CNTNAP2: variants seen among roughly 807,000 people sequenced by gnomAD.
CNTNAP2 encodes the protein contactin associated protein 2.
In CNTNAP2, 98 loss-of-function variants were observed where a neutral mutation model predicts 155.2. The observed-to-expected ratio is 0.63, with a 90% CI of 0.54 to 0.75. The LOEUF (loss-of-function observed/expected upper bound fraction) is 0.75. Ranked by LOEUF, CNTNAP2 falls within the 30% of genes least tolerant of loss-of-function variation. CNTNAP2 has a pLI of 0.00. For synonymous variants in CNTNAP2, 651 were observed against 631.2 expected (o/e 1.03, Z -0.47); for missense variants, 1,727 against 1,688.1 (o/e 1.02, Z -0.40).
intron 21 of CNTNAP2, among the ~76,000 whole-genome samples, chr7:148,380,743 G>T (rs1292116518): frequency 1.3e-5 from 2 of 152,106 alleles, no homozygotes; most frequent in Non-Finnish European, 2.9e-5. Flanking sequence ...TTAGCTCAGA[G>T]GGTTACCAGG....
intron 10 of CNTNAP2, among the ~76,000 whole-genome samples, chr7:147,401,209 A>G (rs959476573): frequency 2.0e-4 from 31 of 152,188 alleles, no homozygotes; most frequent in African/African-American, 7.5e-4. Context: ...ATTAAAAAAT[A>G]CATTTAGAAA....
chr7:148,087,998 T>A (rs1291864882), intron 15 of CNTNAP2, among the ~76,000 whole-genome samples: 1 of 152,150 alleles, frequency 6.6e-6, no homozygotes, highest in African/African-American at 2.4e-5. Flanking sequence ...TATTTGACCC[T>A]CTTCTTTCTG....
chr7:146,253,790 C>T (rs142123262), intron 1 of CNTNAP2, among the ~76,000 whole-genome samples: 1 of 152,072 alleles, frequency 6.6e-6, no homozygotes, highest in African/African-American at 2.4e-5. Context: ...AGCATGGTGA[C>T]TCATGCCTTT....
At chr7:146,765,086 C>T (rs1021240264) in intron 1 of CNTNAP2, among the ~76,000 whole-genome samples, 6 of 152,070 alleles carry the variant, frequency 3.9e-5, no homozygotes, top group Admixed American at 2.6e-4. Context: ...ATTAGGAACA[C>T]CAAAGTCTTA....
intron 3 of CNTNAP2, among the ~76,000 whole-genome samples, chr7:146,904,533 G>A (rs190327653): frequency 5.3e-5 from 8 of 152,198 alleles, no homozygotes; most frequent in East Asian, 3.9e-4. Flanking sequence ...GCACAGTGGC[G>A]CGATCTCGGC....
chr7:146,476,899 C>A (rs935964737), intron 1 of CNTNAP2, among the ~76,000 whole-genome samples: 1 of 152,062 alleles, frequency 6.6e-6, no homozygotes, highest in South Asian at 2.1e-4. Context: ...CATACACTGC[C>A]GCTTCCCAAA....
chr7:147,935,848 A>C (rs1176758887), intron 14 of CNTNAP2, among the ~76,000 whole-genome samples: 5 of 152,148 alleles, frequency 3.3e-5, no homozygotes, highest in African/African-American at 4.8e-5. Context: ...CCACTTCATT[A>C]TTTTCTTCCT....
At position 147,930,794 on chromosome 7, in the gene CNTNAP2, G is replaced by T. The variant is rs376493724; in HGVS notation, c.2255+27073G>T. On this transcript the variant is annotated intron_variant, in intron 14 of 23. Coordinates refer to ENST00000361727, the MANE Select transcript of CNTNAP2 (RefSeq NM_014141.6). ...TTCTCCAGGATAGATCTCATGTTAC[G>T]TCACAAAACAAGTTTCAATAAACCT... 3.0e-4 allele frequency among the ~76,000 whole-genome samples: 45 copies of T among 152,188 alleles called. 1 individual carries two copies. In the East Asian group the frequency reaches 6.2e-3, roughly 21 times the overall value.
chr7:147,363,685 GA>G (rs1225863990), intron 9 of CNTNAP2, among the ~76,000 whole-genome samples: 1 of 152,068 alleles, frequency 6.6e-6, no homozygotes, highest in Non-Finnish European at 1.5e-5. Flanking sequence ...ATTGCCTCTT[GA>G]TTTTTTGTAT....
chr7:146,795,753 A>G (rs572863002), intron 2 of CNTNAP2, among the ~76,000 whole-genome samples: 162 of 152,324 alleles, frequency 1.1e-3, no homozygotes, highest in Non-Finnish European at 1.8e-3. Context: ...GATAAAATTG[A>G]CATGTTCACA....
chr7:146,918,467 T>C (rs547208179), intron 3 of CNTNAP2, among the ~76,000 whole-genome samples: 18 of 152,328 alleles, frequency 1.2e-4, no homozygotes, highest in African/African-American at 4.1e-4. Flanking sequence ...ACACAATTCT[T>C]GCCTGACAAT....
chr7:146,810,655 T>C (rs552049999), intron 2 of CNTNAP2, among the ~76,000 whole-genome samples: 1 of 152,188 alleles, frequency 6.6e-6, no homozygotes, highest in East Asian at 1.9e-4. Context: ...CTGCTCTAAC[T>C]TGGACTTCCA....
intron 13 of CNTNAP2, among the ~76,000 whole-genome samples, chr7:147,774,305 G>T (rs1797524502): frequency 6.6e-6 from 1 of 152,130 alleles, no homozygotes; most frequent in African/African-American, 2.4e-5. Context: ...GCAGGGAATT[G>T]ATTATGAAGT....
At chr7:147,485,196 G>A (rs1798489738) in intron 10 of CNTNAP2, among the ~76,000 whole-genome samples, 1 of 152,148 alleles carries the variant, frequency 6.6e-6, no homozygotes, top group Admixed American at 6.5e-5. Context: ...TTAGTTGTCT[G>A]TTAATACTTC....
rs528036944 is a variant in CNTNAP2 at position 146,587,533 on chromosome 7, G to T, written c.98-186738G>T. 3.9e-4 allele frequency among the ~76,000 whole-genome samples: 59 copies of T among 152,130 alleles called. No individual in the cohort carries two copies. In the South Asian group the frequency reaches 0.011, roughly 29 times the overall value. ...TCACCTTTTAATCACATTTTAGTGT[G>T]ATTTATAAGCACATATTTGGAATAC... On this transcript the variant is annotated intron_variant, in intron 1 of 23. Coordinates refer to ENST00000361727, the MANE Select transcript of CNTNAP2 (RefSeq NM_014141.6).
At chr7:146,281,236 A>G (rs1004460413) in intron 1 of CNTNAP2, among the ~76,000 whole-genome samples, 1 of 152,226 alleles carries the variant, frequency 6.6e-6, no homozygotes, top group Admixed American at 6.5e-5. Flanking sequence ...ACAGAGGTGT[A>G]AAAAATTGAT....
intron 13 of CNTNAP2, among the ~76,000 whole-genome samples, chr7:147,832,032 T>A (rs1798554545): frequency 6.6e-6 from 1 of 151,698 alleles, no homozygotes; most frequent in Non-Finnish European, 1.5e-5. Context: ...TAACATTTTT[T>A]AAGGAAATAT....
chr7:147,703,678 T>G (rs1301544046), intron 13 of CNTNAP2, among the ~76,000 whole-genome samples: 1 of 152,184 alleles, frequency 6.6e-6, no homozygotes, highest in Admixed American at 6.6e-5. Flanking sequence ...GTGTCTGTCA[T>G]CTGGAGTATA....
At chr7:148,365,494 G>A (rs143589258) in intron 21 of CNTNAP2, among the ~76,000 whole-genome samples, 2,671 of 151,990 alleles carry the variant, frequency 0.018, 87 homozygotes, top group African/African-American at 0.056. Context: ...ATGAAACCGC[G>A]TCTCTACTAA....
Sources: allele counts gnomAD v4.1 joint callset (sites outside exome capture counted in the v4.1 genomes callset), GRCh38; gene constraint gnomAD v4.1.1; transcripts MANE v1.5; gene names NCBI Gene and HGNC (gene_info 2026-07-23, HGNC 2026-07-21).